Variants in RC3H2 observed in about 807,000 individuals in gnomAD.
RC3H2 encodes the protein roquin-2.
Under a neutral mutation model 133.3 loss-of-function variants are expected in RC3H2, and 31 were observed. The observed-to-expected ratio is 0.23, with a 90% CI of 0.17 to 0.31. The LOEUF is 0.31. Ranked by LOEUF, RC3H2 falls within the 10% of genes least tolerant of loss-of-function variation. RC3H2 has a pLI of 1.00. For synonymous variants in RC3H2, 517 were observed against 502.2 expected (o/e 1.03, Z -0.40); for missense variants, 1,175 against 1,437.2 (o/e 0.82, Z 2.95).
chr9:122,884,885 A>AAATGG (rs1179500503), intron 4 of RC3H2, among the ~76,000 whole-genome samples: 1 of 152,062 alleles, frequency 6.6e-6, no homozygotes, highest in Non-Finnish European at 1.5e-5. Flanking sequence ...TCTGTAAAAC[A>AAATGG]AATGGTCTGT....
At position 122,858,738 on chromosome 9, in the gene RC3H2, T is replaced by C. The variant is rs1238195186; in HGVS notation, c.2214A>G (p.Ser738=). Residue 738 remains serine (S), a synonymous_variant, in exon 12 of 21, where the codon TCA becomes TCG. Transcript: ENST00000357244. ...AAGCCACCGAATAATATCCATCTAA[T>C]GAGTTATATCTTTCCCGCAAAGATG... ...YQTSLRERYN[S]LDGYYSVACQ... is the part of the protein sequence containing the mutation. The C allele has an allele frequency of 1.6e-5, 26 of 1,614,198 alleles. No homozygotes were observed. The highest frequency in any genetic ancestry group is 2.1e-5 in the Non-Finnish European group (25 of 1,180,042).
intron 9 of RC3H2, among the ~76,000 whole-genome samples, chr9:122,877,106 T>C (rs567407355): frequency 1.2e-4 from 19 of 152,344 alleles, no homozygotes; most frequent in Non-Finnish European, 2.5e-4. Context: ...AGTCTTGCTG[T>C]GTCCCTCAGG....
intron 9 of RC3H2, among the ~76,000 whole-genome samples, chr9:122,876,768 C>T (rs1434954174): frequency 2.6e-5 from 4 of 151,678 alleles, no homozygotes; most frequent in African/African-American, 4.8e-5. Flanking sequence ...ACCTTACATA[C>T]ATTAACTTTT....
chr9:122,867,473 C>T (rs868261983), intron 9 of RC3H2, among the ~76,000 whole-genome samples: 54 of 148,362 alleles, frequency 3.6e-4, no homozygotes, highest in Middle Eastern at 3.9e-3. Flanking sequence ...GTCAGCCCCC[C>T]GCCCGGCCAG....
chr9:122,892,644 C>T (rs889109333), intron 3 of RC3H2, among the ~76,000 whole-genome samples: 2 of 152,184 alleles, frequency 1.3e-5, no homozygotes, highest in African/African-American at 2.4e-5. Context: ...ATCTTCTGAT[C>T]TTGTGATCCG....
intron 10 of RC3H2, among the ~76,000 whole-genome samples, chr9:122,863,567 A>G (rs186086595): frequency 6.6e-6 from 1 of 152,288 alleles, no homozygotes; most frequent in East Asian, 1.9e-4. Flanking sequence ...GTACTGTTTC[A>G]TATGTGTAAA....
Position 122,858,139 on chromosome 9 carries a change from G to A in RC3H2, c.2284-46C>T, listed in dbSNP as rs771741495. Reference sequence around the variant, plus strand: ...CAATCTTAATCATCTAGGGAGTGGTGAATAAATTTAACTGTGTGAAAATGA... The same window carrying A: ...CAATCTTAATCATCTAGGGAGTGGTAAATAAATTTAACTGTGTGAAAATGA... On this transcript the variant is annotated intron_variant, in intron 12 of 20. Coordinates refer to ENST00000357244, the MANE Select transcript of RC3H2 (RefSeq NM_001100588.3). 2.2e-5 allele frequency: 34 copies of A among 1,547,562 alleles called. No individual in the cohort carries two copies. The East Asian group carries it at 6.3e-4, about 29-fold the overall frequency.
chr9:122,871,649 C>T (rs1266098423), intron 9 of RC3H2, among the ~76,000 whole-genome samples: 2 of 151,958 alleles, frequency 1.3e-5, no homozygotes, highest in African/African-American at 4.8e-5. Context: ...AAGAGTCTTT[C>T]CTACACTATT....
chr9:122,855,155 T>C lies in RC3H2; in HGVS notation c.2815+29A>G, dbSNP rs758490150. The C allele has an allele frequency of 7.3e-6, 9 of 1,225,948 alleles. No individual in the cohort carries two copies. In the East Asian group the frequency reaches 1.9e-4, roughly 26 times the overall value. The allele number at this position is 1,225,948 out of a possible 1,614,324, so 75.9% of individuals were successfully genotyped here. On this transcript the variant is annotated intron_variant, in intron 15 of 20. Coordinates refer to ENST00000357244, the MANE Select transcript of RC3H2 (RefSeq NM_001100588.3). ...AAAAAGGCATAGTGCTTAGAACATA[T>C]CAGGCTAGGTATTATCTAAATGGAT... is the stretch of plus-strand genomic sequence containing the variant.
At position 122,859,028 on chromosome 9, in the gene RC3H2, C is replaced by G. The variant is rs752515615; in HGVS notation, c.1924G>C (p.Val642Leu). The G allele has an allele frequency of 6.2e-7, 1 of 1,612,618 alleles. No individual in the cohort carries two copies. ...CVPRFVRSNN[V>L]PESSLPPASM... The stretch of plus-strand genomic sequence containing the variant: ...GCAGGTGGGAGGGAGGACTCTGGAA[C>G]GTTATTGGACCTCACAAAGCGAGGA... Residue 642 changes from valine to leucine, a missense_variant, in exon 12 of 21, where the codon GTT becomes CTT. Transcript: ENST00000357244.
chr9:122,879,837 G>T lies in RC3H2; in HGVS notation c.1130C>A (p.Ala377Glu), dbSNP rs773352064. 6.2e-7 allele frequency: 1 copy of T among 1,614,050 alleles called. No individual in the cohort carries two copies. Among genetic ancestry groups the T allele is most frequent in the Admixed American group, 1.7e-5 (1 of 60,002 alleles). Residue 377 changes from alanine to glutamate, a missense_variant, in exon 8 of 21, where the codon GCA (alanine) becomes GAA (glutamate). This residue lies in a region of RC3H2 where 131 missense variants were observed against 154.2 expected (regional missense o/e 0.85). Coordinates refer to ENST00000357244, the MANE Select transcript of RC3H2 (RefSeq NM_001100588.3). The part of the protein sequence containing the change: ...VSPTWEQLEN[A>E]MVAVKTVVHG... The stretch of plus-strand genomic sequence containing the variant: ...AACTACTGTTTTAACAGCTACCATT[G>T]CATTTTCCAGCTGCTCCCAAGTTGG...
Position 122,858,044 on chromosome 9 carries a change from T to C in RC3H2, c.2333A>G (p.Lys778Arg). ...GTGGTACTGTGCCCACTGATCTGGC[T>C]TTCTTCTTATCTGCTCCTCGCAACT... ...KTSCEEQIRRKPDQWAQYHTQ... is the reference protein window; with the variant it reads ...KTSCEEQIRRRPDQWAQYHTQ... Residue 778 changes from lysine (K) to arginine (R), a missense_variant, in exon 13 of 21, where the codon AAG (lysine) becomes AGG (arginine). By Grantham distance (26) the Lys-to-Arg change is conservative. Around this residue, in one of 8 missense-constraint regions of RC3H2, gnomAD observed 490 missense variants for 492.8 expected, o/e 0.99. Transcript: ENST00000357244. 2 of 1,614,252 alleles carry C rather than the reference T, an allele frequency of 1.2e-6. No homozygotes were observed. Among genetic ancestry groups the C allele is most frequent in the African/African-American group, 1.3e-5 (1 of 75,082 alleles).
intron 8 of RC3H2, 22 bp downstream of exon 8, chr9:122,879,733 G>A (rs1588092262): frequency 6.7e-7 from 1 of 1,495,400 alleles, no homozygotes; most frequent in East Asian, 2.3e-5. Flanking sequence ...ACAGCAGTCA[G>A]AAATGTAATA....
chr9:122,896,982 C>T (rs1284300542), intron 2 of RC3H2, among the ~76,000 whole-genome samples: 2 of 139,192 alleles, frequency 1.4e-5, no homozygotes, highest in South Asian at 2.3e-4. Flanking sequence ...GCCCAGATCA[C>T]GCCACTGCAC....
chr9:122,858,710 G>C lies in RC3H2; in HGVS notation c.2242C>G (p.Gln748Glu), dbSNP rs1302922265. The C allele has an allele frequency of 1.2e-6, 2 of 1,612,892 alleles. No homozygotes were observed. Among genetic ancestry groups the C allele is most frequent in the East Asian group, 2.2e-5 (1 of 44,886 alleles). The change falls in exon 12 of 21, where the codon CAG becomes GAG. Residue 748 changes from glutamine to glutamate, a missense_variant. Around this residue, in one of 8 missense-constraint regions of RC3H2, gnomAD observed 490 missense variants for 492.8 expected, o/e 0.99. Transcript: ENST00000357244. ...SLDGYYSVAC[Q>E]PPSEPRTTVP... ...GTTGTCCTTGGCTCACTTGGTGGCT[G>C]ACAAGCCACCGAATAATATCCATCT...
At chr9:122,882,142 A>G (rs1020274454) in intron 5 of RC3H2, among the ~76,000 whole-genome samples, 3 of 152,236 alleles carry the variant, frequency 2.0e-5, no homozygotes, top group African/African-American at 4.8e-5. Flanking sequence ...AATTATCATC[A>G]GGGTATTTAC....
At chr9:122,862,050 C>T (rs879445659) in intron 10 of RC3H2, among the ~76,000 whole-genome samples, 1 of 152,168 alleles carries the variant, frequency 6.6e-6, no homozygotes, top group Non-Finnish European at 1.5e-5. Context: ...CTGGTCCCTC[C>T]ATGTCAAAAT....
Position 122,893,010 on chromosome 9 carries a change from G to T in RC3H2, c.248C>A (p.Ser83Ter). The T allele has an allele frequency of 6.2e-7, 1 of 1,601,198 alleles. No individual in the cohort carries two copies. The highest frequency in any genetic ancestry group is 1.1e-5 in the South Asian group (1 of 89,952). The change falls in exon 3 of 21, where the codon TCA (serine) becomes TAA (stop). Residue 83 changes from serine (S) to a stop codon, truncating the protein, a stop_gained. Transcript: ENST00000357244. LOFTEE classifies it high-confidence loss of function. ...CTCACCTAGATTACTTAACTTAATT[G>T]ACTGATGATCTGGTACCTTAAAAAA... ...LVGAQVPDHQ[S>*]IKLSNLGENK...
chr9:122,895,819 A>C (rs748935895), intron 2 of RC3H2, among the ~76,000 whole-genome samples: 9 of 152,228 alleles, frequency 5.9e-5, no homozygotes, highest in South Asian at 2.1e-4. Flanking sequence ...AAATGGGGAT[A>C]ATAACTACCT....
Sources: gnomAD v4.1 joint callset for allele counts (sites outside exome capture counted in the v4.1 genomes callset) on GRCh38, gnomAD v4.1.1 for gene constraint, gnomAD v4.1.1 regional missense constraint, MANE v1.5 for transcripts, NCBI Gene and HGNC (gene_info 2026-07-23, HGNC 2026-07-21) for gene names.